ANKRD12: variants seen among roughly 807,000 people sequenced by gnomAD.
ANKRD12 encodes ankyrin repeat domain 12.
A neutral mutation model predicts 183.4 loss-of-function variants in ANKRD12; 85 were observed. The ratio of observed to expected loss-of-function variants is 0.46; its 90% confidence interval spans 0.39 to 0.56. ANKRD12 has a LOEUF of 0.56. Among genes scored for constraint, ANKRD12 ranks in the 20% least tolerant of loss-of-function variants. The pLI, the probability that ANKRD12 is intolerant of heterozygous loss-of-function variation, is 0.00. For synonymous variants in ANKRD12, 914 were observed against 800.2 expected, an observed-to-expected ratio of 1.14 and a Z score of -2.40; for missense variants, 2,405 against 2,357.1, an observed-to-expected ratio of 1.02 and a Z score of -0.42.
rs779814244 is a variant in ANKRD12, at chr18:9,257,739, CT to C, written c.4474del (p.Cys1492AlafsTer44). The C allele has an allele frequency of 6.2e-7, 1 of 1,614,074 alleles. No individual in the cohort carries two copies. Among genetic ancestry groups the C allele is most frequent in the Non-Finnish European group, 8.5e-7 (1 of 1,180,002 alleles). On this transcript the variant is annotated frameshift_variant, in exon 9 of 13. Transcript: ENST00000262126. LOFTEE classifies it high-confidence loss of function. ...DPASFMPPQQ[P>X]CSFPSQSLSD... ...GCATCCTTTATGCCTCCACAGCAGC[CT>C]TGCTCTTTCCCCAGCCAATCACTTT...
chr18:9,184,438 T>A (rs1288702213), intron 2 of ANKRD12, among the ~76,000 whole-genome samples: 1 of 152,090 alleles, frequency 6.6e-6, no homozygotes, highest in Non-Finnish European at 1.5e-5. Context: ...TTACCCAGGC[T>A]GGAGAGTGCA....
At chr18:9,261,999 TAAAC>T (rs1233501423) in intron 9 of ANKRD12, among the ~76,000 whole-genome samples, 20 of 152,226 alleles carry the variant, frequency 1.3e-4, no homozygotes, top group African/African-American at 2.9e-4. Context: ...ACGCAGAAAT[TAAAC>T]AAATGAATTA....
Position 9,257,850 on chromosome 18 carries a change from T to C in ANKRD12, c.4583T>C (p.Val1528Ala). 6.2e-7 allele frequency: 1 copy of C among 1,613,738 alleles called. No individual in the cohort carries two copies. The highest frequency in any genetic ancestry group is 8.5e-7 in the Non-Finnish European group (1 of 1,179,894). Residue 1528 changes from valine (V) to alanine (A), a missense_variant, in exon 9 of 13, where the codon GTT becomes GCT. By Grantham distance (64) the Val-to-Ala change is moderately conservative (BLOSUM62 0). Coordinates refer to ENST00000262126, the MANE Select transcript of ANKRD12 (RefSeq NM_015208.5). ...GGTATTTTACAACAAAAAAATGCAGTTCAGATTATTAGTTCTGCTTTAGAT... is the reference window on the plus strand; with the variant it reads ...GGTATTTTACAACAAAAAAATGCAGCTCAGATTATTAGTTCTGCTTTAGAT... ...EPGILQQKNA[V>A]QIISSALDTD...
chr18:9,223,110 G>A (rs540752736), intron 8 of ANKRD12, among the ~76,000 whole-genome samples: 2 of 152,238 alleles, frequency 1.3e-5, no homozygotes, highest in South Asian at 4.2e-4. Flanking sequence ...CATTTGAGAG[G>A]TGATAATAAA....
At chr18:9,156,290 T>C (rs1417841868) in intron 1 of ANKRD12, among the ~76,000 whole-genome samples, 2 of 152,150 alleles carry the variant, frequency 1.3e-5, no homozygotes, top group Non-Finnish European at 2.9e-5. Context: ...TTGTCATAAT[T>C]AATTCTGAAA....
Position 9,148,371 on chromosome 18 carries a change from T to C in ANKRD12, c.-52+11406T>C, listed in dbSNP as rs149073876. On this transcript the variant is annotated intron_variant, in intron 1 of 12. Coordinates refer to ENST00000262126, the MANE Select transcript of ANKRD12 (RefSeq NM_015208.5). Reference sequence around the variant, plus strand: ...GTATAAGATACCCTAGGCAAATAGATAATTGTAAATATAACTGCCCATATT... The same window carrying C: ...GTATAAGATACCCTAGGCAAATAGACAATTGTAAATATAACTGCCCATATT... Among the ~76,000 whole-genome samples the C allele has an allele frequency of 2.2e-3, 328 of 152,312 alleles. 3 individuals are homozygous for C. The highest frequency in any genetic ancestry group is 0.01 in the Admixed American group (153 of 15,296).
At chr18:9,179,026 AT>A (rs1235073060) in intron 1 of ANKRD12, among the ~76,000 whole-genome samples, 1 of 152,158 alleles carries the variant, frequency 6.6e-6, no homozygotes, top group Non-Finnish European at 1.5e-5. Context: ...ATCCCTAAGA[AT>A]TTAGTACTTC....
In ANKRD12 at chr18:9,144,801, G is replaced by A. The variant is rs546851448; in HGVS notation, c.-52+7836G>A. Among the ~76,000 whole-genome samples, 22 of 151,958 alleles carry A rather than the reference G, an allele frequency of 1.4e-4. No homozygotes were observed. In the South Asian group the frequency reaches 4.6e-3, roughly 32 times the overall value. Reference sequence around the variant, plus strand: ...ACCTTCAAAGATGATGATATTAAAAGAAAAGATAAAATGATAAATTTAGAA... The same window carrying A: ...ACCTTCAAAGATGATGATATTAAAAAAAAAGATAAAATGATAAATTTAGAA... On this transcript the variant is annotated intron_variant, in intron 1 of 12. Transcript: ENST00000262126.
chr18:9,267,856 A>G (rs1182430688), intron 10 of ANKRD12, among the ~76,000 whole-genome samples: 1 of 152,160 alleles, frequency 6.6e-6, no homozygotes, highest in African/African-American at 2.4e-5. Flanking sequence ...AAAGATCAAC[A>G]AAATTGATAG....
rs1428879156 is a variant in ANKRD12, at chr18:9,272,406, T to C, written c.5764-3118T>C. On this transcript the variant is annotated intron_variant, in intron 10 of 12. Transcript: ENST00000262126. ...GGTGAAATCGCATCTCTACTAAAAATACAAAATTAGCCAGGCTTGGTGGTG... is the reference window on the plus strand; with the variant it reads ...GGTGAAATCGCATCTCTACTAAAAACACAAAATTAGCCAGGCTTGGTGGTG... 2.6e-5 allele frequency among the ~76,000 whole-genome samples: 4 copies of C among 151,858 alleles called. No individual in the cohort carries two copies. In the East Asian group the frequency reaches 5.8e-4, roughly 22 times the overall value.
intron 5 of ANKRD12, among the ~76,000 whole-genome samples, chr18:9,210,175 GGTT>G (rs1338028671): frequency 1.3e-5 from 2 of 151,850 alleles, no homozygotes; most frequent in South Asian, 2.1e-4. Context: ...TGGAGTTTGT[GGTT>G]GTTTTATTCA....
intron 2 of ANKRD12, among the ~76,000 whole-genome samples, chr18:9,187,224 A>C (rs749450185): frequency 4.1e-4 from 63 of 151,966 alleles, no homozygotes; most frequent in Non-Finnish European, 7.2e-4. Flanking sequence ...CCAGGAGTTC[A>C]AGACCAGCCT....
chr18:9,158,841 TA>T (rs773951088), intron 1 of ANKRD12, among the ~76,000 whole-genome samples: 3 of 152,204 alleles, frequency 2.0e-5, no homozygotes, highest in Non-Finnish European at 2.9e-5. Flanking sequence ...ATTTAGTTCT[TA>T]ATGGAAGACT....
chr18:9,265,332 G>A (rs1213899458), intron 10 of ANKRD12, among the ~76,000 whole-genome samples: 1 of 152,212 alleles, frequency 6.6e-6, no homozygotes, highest in Non-Finnish European at 1.5e-5. Flanking sequence ...GCCTTCTCAA[G>A]TGGGTCCCTG....
chr18:9,152,260 A>C (rs149715759), intron 1 of ANKRD12, among the ~76,000 whole-genome samples: 142 of 152,314 alleles, frequency 9.3e-4, no homozygotes, highest in African/African-American at 3.1e-3. Flanking sequence ...CAGTCATAAC[A>C]GAGAACAGAA....
intron 1 of ANKRD12, among the ~76,000 whole-genome samples, chr18:9,168,406 T>C (rs1413968438): frequency 6.6e-6 from 1 of 152,212 alleles, no homozygotes; most frequent in Non-Finnish European, 1.5e-5. Context: ...AGCCTGTTAT[T>C]GGTCTATTCA....
In ANKRD12 at chr18:9,281,168, C is replaced by G. The variant is rs779960629; in HGVS notation, c.*42C>G. ...ATGGTATTGTCCTAAACTGGTGATG[C>G]TCAAGCATTATACTGTGGAATACTG... is the stretch of plus-strand genomic sequence containing the variant. On this transcript the variant is annotated 3_prime_UTR_variant, in exon 13 of 13. Transcript: ENST00000262126. 1.3e-6 allele frequency: 2 copies of G among 1,540,452 alleles called. No individual in the cohort carries two copies. Among genetic ancestry groups the G allele is most frequent in the African/African-American group, 2.8e-5 (2 of 72,460 alleles).
At chr18:9,172,972 G>A (rs973217718) in intron 1 of ANKRD12, among the ~76,000 whole-genome samples, 2 of 151,564 alleles carry the variant, frequency 1.3e-5, no homozygotes, top group African/African-American at 4.9e-5. Flanking sequence ...CACAATCCCA[G>A]CTTACTGCAA....
At chr18:9,278,553 C>G (rs2039960721) in intron 11 of ANKRD12, among the ~76,000 whole-genome samples, 1 of 152,192 alleles carries the variant, frequency 6.6e-6, no homozygotes. Flanking sequence ...ATTCCCAGCA[C>G]TTTGGAAGGC....
Sources: allele counts gnomAD v4.1 joint callset (sites outside exome capture counted in the v4.1 genomes callset), GRCh38; gene constraint gnomAD v4.1.1; transcripts MANE v1.5; gene names NCBI Gene and HGNC (gene_info 2026-07-23, HGNC 2026-07-21).